Variants in N4BP2L2 observed in about 807,000 individuals in gnomAD.
N4BP2L2 encodes NEDD4-binding protein 2-like 2.
N4BP2L2 carries 50 observed loss-of-function variants against 56.2 expected under a neutral mutation model. That is an observed-to-expected ratio of 0.89 (90% CI 0.71 to 1.13). The LOEUF is 1.13. N4BP2L2 is among the 50% of genes most tolerant of loss of function. The pLI is 0.00. For synonymous variants in N4BP2L2, 203 were observed against 223.6 expected (o/e 0.91, Z 0.82); for missense variants, 689 against 693.8 (o/e 0.99, Z 0.08).
chr13:32,437,252 G>A (rs145106436), intron 8 of N4BP2L2, among the ~76,000 whole-genome samples: 12 of 152,248 alleles, frequency 7.9e-5, no homozygotes, highest in African/African-American at 2.9e-4. Context: ...TGGCAATAAT[G>A]TCTCCATGGG....
exon 1 of N4BP2L2, chr13:32,538,752 CT>C (rs2057270498): frequency 1.0e-6 from 1 of 985,368 alleles, no homozygotes; most frequent in Non-Finnish European, 1.2e-6. Context: ...AAGCCCACCT[CT>C]CAGAATCGCG....
intron 6 of N4BP2L2, among the ~76,000 whole-genome samples, chr13:32,451,400 G>A (rs2077992441): frequency 6.6e-6 from 1 of 151,820 alleles, no homozygotes; most frequent in African/African-American, 2.4e-5. Flanking sequence ...AAATAGAAAA[G>A]AAGGCACAAT....
intron 6 of N4BP2L2, among the ~76,000 whole-genome samples, chr13:32,460,844 T>C (rs1081798): frequency 1.3e-5 from 2 of 151,862 alleles, no homozygotes; most frequent in African/African-American, 4.8e-5. Flanking sequence ...AAACAAAGCT[T>C]GTAGCATCAC....
exon 7 of N4BP2L2, chr13:32,442,475 T>G (rs199935779): frequency 6.2e-7 from 1 of 1,613,424 alleles, no homozygotes; most frequent in Non-Finnish European, 8.5e-7. Context: ...CGGTAGTCAG[T>G]GCTTGTTAAG....
chr13:32,537,356 G>A (rs2056814809), intron 1 of N4BP2L2, among the ~76,000 whole-genome samples: 1 of 151,934 alleles, frequency 6.6e-6, no homozygotes, highest in African/African-American at 2.4e-5. Context: ...AGTTGAATCA[G>A]TAATATATAT....
intron 6 of N4BP2L2, among the ~76,000 whole-genome samples, chr13:32,448,879 C>A (rs150536766): frequency 6.6e-6 from 1 of 152,246 alleles, no homozygotes; most frequent in Non-Finnish European, 1.5e-5. Flanking sequence ...ATAACTGAGG[C>A]CCAGGTCCTG....
chr13:32,536,671 T>C (rs2056630018), exon 2 of N4BP2L2: 1 of 1,614,124 alleles, frequency 6.2e-7, no homozygotes, highest in Non-Finnish European at 8.5e-7. Flanking sequence ...ATGCTTTACT[T>C]GTGCTATATA....
At chr13:32,521,394 A>G in exon 5 of N4BP2L2, 1 of 1,612,262 alleles carries the variant, frequency 6.2e-7, no homozygotes, top group Non-Finnish European at 8.5e-7. Flanking sequence ...TTCAGGATCA[A>G]ATTTCCACCA....
At chr13:32,434,253 T>TC (rs1263194403) in intron 9 of N4BP2L2, among the ~76,000 whole-genome samples, 4 of 135,428 alleles carry the variant, frequency 3.0e-5, no homozygotes, top group East Asian at 4.1e-4. Context: ...ATTTTCTTTT[T>TC]TTCTTTTTTT....
chr13:32,502,607 G>T (rs972458309), intron 6 of N4BP2L2, among the ~76,000 whole-genome samples: 16 of 152,118 alleles, frequency 1.1e-4, no homozygotes, highest in Admixed American at 9.8e-4. Flanking sequence ...TTAATTATGA[G>T]GAAAAGTTTC....
intron 6 of N4BP2L2, among the ~76,000 whole-genome samples, chr13:32,465,964 T>C (rs1426155078): frequency 6.6e-6 from 1 of 152,180 alleles, no homozygotes; most frequent in African/African-American, 2.4e-5. Flanking sequence ...GTTTTGTTTA[T>C]TAACTGCTAG....
At chr13:32,443,397 G>A (rs779916308) in exon 7 of N4BP2L2, 2 of 1,614,000 alleles carry the variant, frequency 1.2e-6, no homozygotes, top group Admixed American at 3.3e-5. Context: ...AGGGCTGTCT[G>A]TCAGAGCCCA....
In N4BP2L2 at chr13:32,492,916, G is replaced by GTTTTTTTTTTTTT. The variant is rs35025430; in HGVS notation, c.365+24928_365+24940dup. Among the ~76,000 whole-genome samples, 28 of 107,516 alleles carry GTTTTTTTTTTTTT rather than the reference G, an allele frequency of 2.6e-4. 2 individuals carry two copies. Among genetic ancestry groups the GTTTTTTTTTTTTT allele is most frequent in the African/African-American group, 7.7e-4 (21 of 27,120 alleles). The allele number at this position is 107,516 out of a possible 152,430, so 70.5% of individuals were successfully genotyped here. On this transcript the variant is annotated intron_variant, in intron 6 of 9. Coordinates refer to the N4BP2L2 transcript ENST00000357505. ...TGTGTGAATGTTTTGTAGCTTTTCT[G>GTTTTTTTTTTTTT]TTTTTTTTTTTTTTTTTTTTGAGAC...
At chr13:32,443,765 C>T (rs1401604012) in exon 7 of N4BP2L2, 1 of 1,573,726 alleles carries the variant, frequency 6.4e-7, no homozygotes, top group African/African-American at 1.4e-5. Flanking sequence ...AACAAGTTAT[C>T]ACCTTCCTTA....
At chr13:32,440,828 T>C (rs2076202786) in intron 7 of N4BP2L2, among the ~76,000 whole-genome samples, 1 of 151,620 alleles carries the variant, frequency 6.6e-6, no homozygotes, top group South Asian at 2.1e-4. Flanking sequence ...CATGTAGATT[T>C]TTTCATTTCC....
At chr13:32,499,978 C>G (rs2089641514) in intron 6 of N4BP2L2, among the ~76,000 whole-genome samples, 1 of 152,228 alleles carries the variant, frequency 6.6e-6, no homozygotes, top group Non-Finnish European at 1.5e-5. Flanking sequence ...TGGCTACTGA[C>G]TCTACCAGTT....
chr13:32,502,648 C>A (rs1286038701), intron 6 of N4BP2L2, among the ~76,000 whole-genome samples: 1 of 152,116 alleles, frequency 6.6e-6, no homozygotes, highest in Non-Finnish European at 1.5e-5. Flanking sequence ...CAAGTGCAGT[C>A]AAAACTGCAA....
chr13:32,479,000 T>G (rs1344900998), intron 6 of N4BP2L2, among the ~76,000 whole-genome samples: 1 of 151,936 alleles, frequency 6.6e-6, no homozygotes. Context: ...TTGGGAATGA[T>G]GGCGGGTGCC....
At chr13:32,517,001 A>G (rs964818936) in exon 6 of N4BP2L2, 3 of 968,098 alleles carry the variant, frequency 3.1e-6, no homozygotes, top group African/African-American at 3.5e-5. Flanking sequence ...AAGATATTCT[A>G]TAGTACAAAT....
Sources: allele counts gnomAD v4.1 joint callset (sites outside exome capture counted in the v4.1 genomes callset), GRCh38; gene constraint gnomAD v4.1.1; transcripts MANE v1.5; gene names NCBI Gene and HGNC (gene_info 2026-07-23, HGNC 2026-07-21).